LRRTM4: variants seen among roughly 807,000 people sequenced by gnomAD.
LRRTM4 encodes leucine rich repeat transmembrane neuronal 4, also known as leucine-rich repeat transmembrane neuronal protein 4.
In LRRTM4, 25 loss-of-function variants were observed where a neutral mutation model predicts 47.6. The observed-to-expected ratio is 0.53, with a 90% CI of 0.38 to 0.73. LRRTM4 has a LOEUF of 0.73. Ranked by LOEUF, LRRTM4 falls within the 30% of genes least tolerant of loss-of-function variation. The pLI is 0.00. For missense variants in LRRTM4, 638 were observed against 713.4 expected (o/e 0.89, Z 1.20); for synonymous variants, 311 against 269.5 (o/e 1.15, Z -1.51).
chr2:76,799,024 A>G (rs896867907), intron 3 of LRRTM4, among the ~76,000 whole-genome samples: 11 of 150,460 alleles, frequency 7.3e-5, no homozygotes, highest in South Asian at 6.4e-4. Context: ...CCAGAGGTAT[A>G]AGGAGGAGCT....
At position 76,748,743 on chromosome 2, in the gene LRRTM4, G is replaced by A. The variant is rs748303965; in HGVS notation, c.1725C>T (p.Ile575=). ...AGATGGCCGGTGCTGCCGACCTGGC[G>A]ATGGTGGCGATGAAGCTGTGGTCTC... ...LGRDHSFIAT[I]ARSAAPAIYL... Residue 575 remains isoleucine, a synonymous_variant, in exon 4 of 4, where the codon ATC becomes ATT. Coordinates refer to ENST00000409884, the MANE Select transcript of LRRTM4 (RefSeq NM_001134745.3). The A allele has an allele frequency of 3.1e-6, 5 of 1,613,734 alleles. No homozygotes were observed. Among genetic ancestry groups the A allele is most frequent in the Non-Finnish European group, 4.2e-6 (5 of 1,179,894 alleles).
intron 3 of LRRTM4, among the ~76,000 whole-genome samples, chr2:77,203,934 A>T (rs1443037557): frequency 6.6e-6 from 1 of 152,190 alleles, no homozygotes; most frequent in Non-Finnish European, 1.5e-5. Flanking sequence ...TCCTTCTTTT[A>T]GGTCACAGAG....
In LRRTM4 at chr2:77,262,722, TA is replaced by T. The variant is rs1675952138; in HGVS notation, c.1551+255595del. On this transcript the variant is annotated intron_variant, in intron 3 of 3. Coordinates refer to ENST00000409884, the MANE Select transcript of LRRTM4 (RefSeq NM_001134745.3). Reference sequence around the variant, plus strand: ...CTCATGGTTAATATTTGTCTCATGGTAAAACCCATGATTATGGGTTTTGGGC... The same window carrying T: ...CTCATGGTTAATATTTGTCTCATGGTAAACCCATGATTATGGGTTTTGGGC... 5.3e-5 allele frequency among the ~76,000 whole-genome samples: 8 copies of T among 152,144 alleles called. No homozygotes were observed. The South Asian group carries it at 1.7e-3, about 31-fold the overall frequency.
intron 3 of LRRTM4, among the ~76,000 whole-genome samples, chr2:76,912,852 A>C (rs996344319): frequency 6.6e-6 from 1 of 152,092 alleles, no homozygotes; most frequent in Non-Finnish European, 1.5e-5. Flanking sequence ...TGCCTAGCTC[A>C]CCCTTTGCCT....
intron 3 of LRRTM4, among the ~76,000 whole-genome samples, chr2:77,434,057 G>A (rs1006906896): frequency 6.6e-6 from 1 of 152,154 alleles, no homozygotes; most frequent in Non-Finnish European, 1.5e-5. Context: ...TAGCAATAAA[G>A]TAGACATAAT....
At chr2:76,831,856 A>C (rs1671361773) in intron 3 of LRRTM4, among the ~76,000 whole-genome samples, 1 of 152,080 alleles carries the variant, frequency 6.6e-6, no homozygotes, top group Admixed American at 6.6e-5. Flanking sequence ...AAGGAAATAT[A>C]ATCTATATTT....
chr2:76,814,505 T>TA (rs955471409), intron 3 of LRRTM4, among the ~76,000 whole-genome samples: 7 of 151,664 alleles, frequency 4.6e-5, no homozygotes, highest in Non-Finnish European at 8.8e-5. Context: ...TCAAAAATAT[T>TA]AAAAAAATAA....
At chr2:77,091,883 C>G (rs1670653524) in intron 3 of LRRTM4, among the ~76,000 whole-genome samples, 1 of 141,724 alleles carries the variant, frequency 7.1e-6, no homozygotes, top group African/African-American at 2.9e-5. Flanking sequence ...CAAGCACCTT[C>G]TACAAAACAA....
intron 3 of LRRTM4, among the ~76,000 whole-genome samples, chr2:77,182,399 TAAC>T (rs1165395221): frequency 6.6e-6 from 1 of 151,852 alleles, no homozygotes; most frequent in Non-Finnish European, 1.5e-5. Flanking sequence ...ACAGGAAAGG[TAAC>T]AACACACACT....
chr2:77,330,303 C>T (rs543186956), intron 3 of LRRTM4, among the ~76,000 whole-genome samples: 1 of 152,040 alleles, frequency 6.6e-6, no homozygotes, highest in Non-Finnish European at 1.5e-5. Flanking sequence ...TCATTACTTA[C>T]AATGTGCCCA....
At chr2:77,125,855 TAC>T (rs1361329227) in intron 3 of LRRTM4, among the ~76,000 whole-genome samples, 3 of 151,234 alleles carry the variant, frequency 2.0e-5, no homozygotes, top group African/African-American at 2.4e-5. Context: ...GATTGCATAT[TAC>T]ACACACACAT....
chr2:77,515,958 C>A (rs959482546), intron 3 of LRRTM4, among the ~76,000 whole-genome samples: 1 of 151,750 alleles, frequency 6.6e-6, no homozygotes, highest in African/African-American at 2.4e-5. Context: ...AATGGGGTGA[C>A]CCCTGCAATG....
chr2:77,034,278 C>T (rs1356085752), intron 3 of LRRTM4, among the ~76,000 whole-genome samples: 1 of 151,856 alleles, frequency 6.6e-6, no homozygotes, highest in South Asian at 2.1e-4. Flanking sequence ...AGCTGTGAAA[C>T]AGAATTTTGC....
intron 3 of LRRTM4, among the ~76,000 whole-genome samples, chr2:77,289,991 C>A (rs886320374): frequency 1.3e-5 from 2 of 151,042 alleles, no homozygotes; most frequent in African/African-American, 2.5e-5. Flanking sequence ...AAGGATATTA[C>A]TTCTTCTTTA....
chr2:77,096,656 GA>G (rs1266943111), intron 3 of LRRTM4, among the ~76,000 whole-genome samples: 2 of 151,450 alleles, frequency 1.3e-5, no homozygotes, highest in African/African-American at 4.8e-5. Context: ...AGAATATAGA[GA>G]ATAGATAAAG....
At chr2:76,967,067 C>G (rs1387270419) in intron 3 of LRRTM4, among the ~76,000 whole-genome samples, 2 of 151,432 alleles carry the variant, frequency 1.3e-5, no homozygotes, top group African/African-American at 4.8e-5. Context: ...CTATTTCCAT[C>G]ACATAACATC....
rs758754978 is a variant in LRRTM4 at position 77,519,166 on chromosome 2, A to G, written c.703T>C (p.Tyr235His). 85 of 1,613,134 alleles carry G rather than the reference A, an allele frequency of 5.3e-5. No individual in the cohort carries two copies. The highest frequency in any genetic ancestry group is 7.0e-5 in the Non-Finnish European group (82 of 1,179,578). ...FPRLFNLRSI[Y>H]LQWNRIRSIS... Reference sequence around the variant, plus strand: ...GAGCGAATCCTGTTCCATTGTAAGTAAATTGAGCGGAGGTTGAAGAGACGT... The same window carrying G: ...GAGCGAATCCTGTTCCATTGTAAGTGAATTGAGCGGAGGTTGAAGAGACGT... Residue 235 changes from tyrosine (Y) to histidine (H), a missense_variant, in exon 3 of 4, where the codon TAC becomes CAC. Tyr to His is a moderately conservative substitution (Grantham distance 83). Transcript: ENST00000409884. The surrounding 1 kb of genome is among the most constrained non-coding windows in gnomAD (Gnocchi z 4.6).
chr2:77,269,165 G>T (rs1040977749), intron 3 of LRRTM4, among the ~76,000 whole-genome samples: 11 of 151,658 alleles, frequency 7.3e-5, no homozygotes, highest in African/African-American at 2.4e-4. Flanking sequence ...GTTTAGTTTA[G>T]AATTTCTTTT....
intron 3 of LRRTM4, among the ~76,000 whole-genome samples, chr2:77,191,983 A>G (rs542227784): frequency 6.6e-6 from 1 of 152,104 alleles, no homozygotes; most frequent in South Asian, 2.1e-4. Flanking sequence ...CAGAATAAAG[A>G]CATCCAACTA....
Sources: allele counts gnomAD v4.1 joint callset (sites outside exome capture counted in the v4.1 genomes callset), GRCh38; gene constraint gnomAD v4.1.1; non-coding constraint Gnocchi (gnomAD v3.1); transcripts MANE v1.5; gene names NCBI Gene and HGNC (gene_info 2026-07-23, HGNC 2026-07-21).